The following DEPTOR variants were observed in gnomAD, a reference collection of about 807,000 sequenced individuals.
DEPTOR encodes DEP domain-containing mTOR-interacting protein.
DEPTOR carries 41 observed loss-of-function variants against 41.6 expected under a neutral mutation model. That is an observed-to-expected ratio of 0.98 (90% CI 0.77 to 1.28). The LOEUF (loss-of-function observed/expected upper bound fraction) is 1.28. Among genes scored for constraint, DEPTOR ranks in the 50% most tolerant of loss-of-function variants. The pLI, the probability that DEPTOR is intolerant of heterozygous loss-of-function variation, is 0.00. For missense variants in DEPTOR, 514 were observed against 527.9 expected, an observed-to-expected ratio of 0.97 and a Z score of 0.26; for synonymous variants, 195 against 192.3, an observed-to-expected ratio of 1.01 and a Z score of -0.12.
intron 4 of DEPTOR, among the ~76,000 whole-genome samples, chr8:119,965,772 A>G (rs1586636034): frequency 6.6e-6 from 1 of 152,228 alleles, no homozygotes; most frequent in East Asian, 1.9e-4. Flanking sequence ...CAAGTATAAT[A>G]TGGAGTTGGG....
intron 2 of DEPTOR, 68 bp downstream of exon 2, chr8:119,928,646 C>T: frequency 1.3e-6 from 2 of 1,509,506 alleles, no homozygotes; most frequent in Non-Finnish European, 1.8e-6. Context: ...ATGAACATAC[C>T]CACTTAAGAA....
intron 4 of DEPTOR, among the ~76,000 whole-genome samples, chr8:119,971,279 AG>A (rs1828631510): frequency 6.6e-6 from 1 of 152,162 alleles, no homozygotes; most frequent in Non-Finnish European, 1.5e-5. Flanking sequence ...AACTCACAAA[AG>A]ACAGATTAAT....
chr8:119,908,613 T>C (rs371857607), intron 1 of DEPTOR, among the ~76,000 whole-genome samples: 1 of 151,774 alleles, frequency 6.6e-6, no homozygotes, highest in East Asian at 1.9e-4. Context: ...GTGGGGGCAG[T>C]CTTGTGGGAC....
At chr8:119,986,199 A>G (rs1294132811) in intron 4 of DEPTOR, among the ~76,000 whole-genome samples, 1 of 152,068 alleles carries the variant, frequency 6.6e-6, no homozygotes, top group African/African-American at 2.4e-5. Context: ...TGCTTCCTTC[A>G]GGAGCTCTTG....
intron 3 of DEPTOR, among the ~76,000 whole-genome samples, chr8:119,933,783 G>A (rs1234629117): frequency 6.6e-6 from 1 of 152,090 alleles, no homozygotes; most frequent in South Asian, 2.1e-4. Context: ...TTTCTTGCTT[G>A]TTTGTTCTGT....
At chr8:119,916,288 T>TTG (rs1563964780) in intron 1 of DEPTOR, among the ~76,000 whole-genome samples, 2 of 132,446 alleles carry the variant, frequency 1.5e-5, no homozygotes, top group East Asian at 4.1e-4. Flanking sequence ...TTTTTTTTTT[T>TTG]TTTTTTTTTT....
chr8:119,952,236 A>G (rs1447329526), intron 3 of DEPTOR, among the ~76,000 whole-genome samples: 1 of 152,196 alleles, frequency 6.6e-6, no homozygotes, highest in Non-Finnish European at 1.5e-5. Flanking sequence ...TAGTTGGGAT[A>G]TGTTCACAGA....
Position 120,009,613 on chromosome 8 carries a change from T to TAAAAC in DEPTOR, c.1101+498_1101+502dup, listed in dbSNP as rs372766551. Among the ~76,000 whole-genome samples the TAAAAC allele has an allele frequency of 1.4e-3, 209 of 151,692 alleles. 1 individual carries two copies. The highest frequency in any genetic ancestry group is 4.0e-3 in the South Asian group (19 of 4,766). ...GGGTGACAAAGCGAGACTCTGTCTCTAAAACAAAACAAAACAAAACAACAA... is the reference window on the plus strand; with the variant it reads ...GGGTGACAAAGCGAGACTCTGTCTCTAAAACAAAACAAAACAAAACAAAACAACAA... On this transcript the variant is annotated intron_variant, in intron 8 of 8. Coordinates refer to ENST00000286234, the MANE Select transcript of DEPTOR (RefSeq NM_022783.4).
chr8:120,024,416 T>TA (rs1812768836), intron 8 of DEPTOR, among the ~76,000 whole-genome samples: 1 of 152,116 alleles, frequency 6.6e-6, no homozygotes, highest in South Asian at 2.1e-4. Flanking sequence ...CCCAAAAAGA[T>TA]ATGTTGAAGT....
At chr8:119,965,977 C>T (rs2102905) in intron 4 of DEPTOR, among the ~76,000 whole-genome samples, 93,214 of 152,034 alleles carry the variant, frequency 0.61, 29,016 homozygotes, top group Middle Eastern at 0.77. Flanking sequence ...TCTGTGGGTT[C>T]TGCATCTGTG....
At chr8:120,004,949 G>A (rs1812411052) in intron 6 of DEPTOR, among the ~76,000 whole-genome samples, 1 of 145,392 alleles carries the variant, frequency 6.9e-6, no homozygotes, top group South Asian at 2.1e-4. Context: ...CCCTAAGCCA[G>A]ACACAAAAAA....
rs1260057838 is a variant in DEPTOR at position 119,973,827 on chromosome 8, G to A, written c.604+8417G>A. ...TATATCATACTGTGCCATATACAAA[G>A]CAGTTTTACATACATTATCTTTTTA... On this transcript the variant is annotated intron_variant, in intron 4 of 8. Transcript: ENST00000286234. 2.0e-5 allele frequency among the ~76,000 whole-genome samples: 3 copies of A among 152,246 alleles called. No homozygotes were observed. The East Asian group carries it at 5.8e-4, about 29-fold the overall frequency.
At chr8:119,934,313 T>C (rs767875914) in intron 3 of DEPTOR, among the ~76,000 whole-genome samples, 6 of 152,230 alleles carry the variant, frequency 3.9e-5, no homozygotes, top group Non-Finnish European at 8.8e-5. Context: ...GTTACCTTAC[T>C]TGAGACATGC....
At chr8:119,878,215 A>G (rs377240377) in intron 1 of DEPTOR, among the ~76,000 whole-genome samples, 8 of 152,132 alleles carry the variant, frequency 5.3e-5, no homozygotes, top group African/African-American at 1.9e-4. Context: ...AGGTTTCTCC[A>G]TGTTGGTCAG....
At chr8:119,876,261 T>C (rs1425186808) in intron 1 of DEPTOR, among the ~76,000 whole-genome samples, 1 of 152,204 alleles carries the variant, frequency 6.6e-6, no homozygotes, top group African/African-American at 2.4e-5. Flanking sequence ...TTTGAATGAC[T>C]GCTCCACCAT....
chr8:119,899,695 G>T lies in DEPTOR; in HGVS notation c.122+25727G>T, dbSNP rs140051582. On this transcript the variant is annotated intron_variant, in intron 1 of 8. Transcript: ENST00000286234. Reference sequence around the variant, plus strand: ...ATCACTACATAGCTCAGAGAAACTCGCAAACCTATTTCAAGATCGTGCAGT... The same window carrying T: ...ATCACTACATAGCTCAGAGAAACTCTCAAACCTATTTCAAGATCGTGCAGT... Among the ~76,000 whole-genome samples the T allele has an allele frequency of 2.4e-3, 362 of 152,246 alleles. 2 individuals are homozygous for T. Among genetic ancestry groups the T allele is most frequent in the African/African-American group, 8.3e-3 (346 of 41,546 alleles).
chr8:119,967,755 A>C (rs1441143913), intron 4 of DEPTOR, among the ~76,000 whole-genome samples: 2 of 143,358 alleles, frequency 1.4e-5, no homozygotes, highest in South Asian at 2.2e-4. Context: ...CTTCGTCCCA[A>C]AAAAAAAAAA....
intron 6 of DEPTOR, 82 bp from the exon 7 acceptor site, chr8:120,006,723 C>A: frequency 8.0e-7 from 1 of 1,256,212 alleles, no homozygotes; most frequent in Non-Finnish European, 1.2e-6. Context: ...TGGTCACCTA[C>A]GAGATATCAA....
intron 4 of DEPTOR, among the ~76,000 whole-genome samples, chr8:119,979,739 T>C (rs544634764): frequency 1.3e-5 from 2 of 152,262 alleles, no homozygotes; most frequent in Admixed American, 6.5e-5. Flanking sequence ...TTTGGTCATA[T>C]TGGCAGTTGG....
Sources: gnomAD v4.1 joint callset for allele counts (sites outside exome capture counted in the v4.1 genomes callset) on GRCh38, gnomAD v4.1.1 for gene constraint, MANE v1.5 for transcripts, NCBI Gene and HGNC (gene_info 2026-07-23, HGNC 2026-07-21) for gene names.